Variants in GRM1 observed in about 807,000 individuals in gnomAD.
GRM1 encodes metabotropic glutamate receptor 1.
In GRM1, 33 loss-of-function variants were observed where a neutral mutation model predicts 90.9. The ratio of observed to expected loss-of-function variants is 0.36; its 90% CI spans 0.28 to 0.49. The LOEUF (loss-of-function observed/expected upper bound fraction) is 0.49, where lower values mean the gene tolerates loss of function less well. Ranked by LOEUF, GRM1 falls within the 20% of genes least tolerant of loss-of-function variation. The probability of loss-of-function intolerance (pLI) is 0.99; values close to 1 mark genes in which losing one functional copy is unlikely to be tolerated. For missense variants in GRM1, 1,190 were observed against 1,534.3 expected (o/e 0.78, Z 3.75); for synonymous variants, 700 against 613.2 (o/e 1.14, Z -2.09).
intron 1 of GRM1, among the ~76,000 whole-genome samples, chr6:146,115,027 T>C (rs1330399172): frequency 6.6e-6 from 1 of 152,070 alleles, no homozygotes; most frequent in East Asian, 1.9e-4. Flanking sequence ...GATACTAAGA[T>C]TATAGTTCAG....
chr6:146,244,333 T>C (rs1780977552), intron 2 of GRM1, among the ~76,000 whole-genome samples: 1 of 152,192 alleles, frequency 6.6e-6, no homozygotes, highest in South Asian at 2.1e-4. Context: ...ATTATAAAAG[T>C]ATTAATTTGG....
At chr6:146,377,281 C>T (rs559429259) in intron 5 of GRM1, among the ~76,000 whole-genome samples, 70 of 152,108 alleles carry the variant, frequency 4.6e-4, no homozygotes, top group African/African-American at 1.5e-3. Flanking sequence ...CAGAAGAAGA[C>T]AGGAAAGTGT....
At position 146,411,664 on chromosome 6, in the gene GRM1, G is replaced by A. The variant is rs139346537; in HGVS notation, c.2660+11965G>A. 7.1e-3 allele frequency among the ~76,000 whole-genome samples: 1,076 copies of A among 152,294 alleles called. 13 individuals carry two copies. Among genetic ancestry groups the A allele is most frequent in the African/African-American group, 0.025 (1,029 of 41,556 alleles). On this transcript the variant is annotated intron_variant, in intron 7 of 7. Coordinates refer to ENST00000282753, the MANE Select transcript of GRM1 (RefSeq NM_001278064.2). ...AGGGTCCAGGGAAGAGATTACAGTG[G>A]CCTGACCTGTGGCTTTGACAGGTGG...
chr6:146,270,077 T>C (rs1782057868), intron 2 of GRM1, among the ~76,000 whole-genome samples: 1 of 152,144 alleles, frequency 6.6e-6, no homozygotes, highest in Admixed American at 6.5e-5. Context: ...ATTAAGGTTT[T>C]ATGTTTTTGT....
intron 6 of GRM1, among the ~76,000 whole-genome samples, chr6:146,391,672 A>C (rs1405299023): frequency 1.3e-5 from 2 of 152,072 alleles, no homozygotes; most frequent in African/African-American, 4.8e-5. Context: ...ATGTTTCTCA[A>C]ATTTAGGATA....
chr6:146,134,388 T>C (rs965517152), intron 1 of GRM1, among the ~76,000 whole-genome samples: 9 of 152,204 alleles, frequency 5.9e-5, no homozygotes, highest in Non-Finnish European at 1.3e-4. Context: ...TCTCATATGG[T>C]ACTGTATTAG....
intron 7 of GRM1, among the ~76,000 whole-genome samples, chr6:146,413,995 AT>A (rs1777666239): frequency 6.6e-6 from 1 of 152,214 alleles, no homozygotes; most frequent in South Asian, 2.1e-4. Flanking sequence ...ACTATGACAA[AT>A]AAAGGTACAA....
chr6:146,061,003 A>G (rs905800721), intron 1 of GRM1, among the ~76,000 whole-genome samples: 3 of 152,072 alleles, frequency 2.0e-5, no homozygotes, highest in African/African-American at 7.2e-5. Flanking sequence ...ATGATCAGTG[A>G]TGTTGACCAA....
intron 3 of GRM1, among the ~76,000 whole-genome samples, chr6:146,350,047 C>T (rs76281535): frequency 2.6e-5 from 4 of 152,146 alleles, no homozygotes; most frequent in Non-Finnish European, 5.9e-5. Flanking sequence ...TCTAAAAAAA[C>T]GACCCAAGTC....
chr6:146,417,489 CT>C (rs1777831207), intron 7 of GRM1, among the ~76,000 whole-genome samples: 1 of 152,236 alleles, frequency 6.6e-6, no homozygotes, highest in Middle Eastern at 3.4e-3. Flanking sequence ...TTCTTTAGGA[CT>C]ATGGTGATTA....
intron 2 of GRM1, among the ~76,000 whole-genome samples, chr6:146,256,801 C>T (rs1781496449): frequency 6.6e-6 from 1 of 152,136 alleles, no homozygotes; most frequent in Non-Finnish European, 1.5e-5. Context: ...TGCTTGTCAT[C>T]TTCCTAAAGT....
intron 5 of GRM1, among the ~76,000 whole-genome samples, chr6:146,373,661 G>T (rs75822150): frequency 6.6e-6 from 1 of 151,996 alleles, no homozygotes; most frequent in African/African-American, 2.4e-5. Context: ...TTTTCACATT[G>T]TTCATTGTTG....
intron 2 of GRM1, among the ~76,000 whole-genome samples, chr6:146,206,069 G>A (rs977303136): frequency 3.9e-5 from 6 of 152,314 alleles, no homozygotes; most frequent in Admixed American, 3.9e-4. Context: ...GAGAAGTGGG[G>A]ACATCTGCCA....
intron 5 of GRM1, among the ~76,000 whole-genome samples, chr6:146,360,060 C>T (rs1775406645): frequency 6.6e-6 from 1 of 152,100 alleles, no homozygotes; most frequent in African/African-American, 2.4e-5. Flanking sequence ...CTACCAGGCC[C>T]AGGATGCATA....
chr6:146,056,901 C>G (rs1174688163), intron 1 of GRM1, among the ~76,000 whole-genome samples: 1 of 152,140 alleles, frequency 6.6e-6, no homozygotes, highest in East Asian at 1.9e-4. Context: ...ACTTGGCTAT[C>G]TCCTGCTGTA....
intron 2 of GRM1, among the ~76,000 whole-genome samples, chr6:146,269,748 G>T (rs1467546107): frequency 6.6e-6 from 1 of 152,148 alleles, no homozygotes; most frequent in Non-Finnish European, 1.5e-5. Flanking sequence ...GATGCCTGGT[G>T]ATCTGAGGTG....
intron 2 of GRM1, among the ~76,000 whole-genome samples, chr6:146,205,402 A>G (rs1253553470): frequency 2.6e-5 from 4 of 152,180 alleles, no homozygotes; most frequent in African/African-American, 9.7e-5. Flanking sequence ...TTAACTCAGC[A>G]TGTATGTTTC....
intron 1 of GRM1, among the ~76,000 whole-genome samples, chr6:146,115,713 C>T (rs1433881116): frequency 6.6e-6 from 1 of 152,010 alleles, no homozygotes; most frequent in Admixed American, 6.6e-5. Context: ...GGAGATTTTT[C>T]ATAGTATTTT....
At chr6:146,230,480 T>C (rs1210751519) in intron 2 of GRM1, among the ~76,000 whole-genome samples, 3 of 152,002 alleles carry the variant, frequency 2.0e-5, no homozygotes, top group Non-Finnish European at 4.4e-5. Flanking sequence ...CACAAACCTA[T>C]TAGAATGGCC....
Sources: allele counts gnomAD v4.1 joint callset (sites outside exome capture counted in the v4.1 genomes callset), GRCh38; gene constraint gnomAD v4.1.1; transcripts MANE v1.5; gene names NCBI Gene and HGNC (gene_info 2026-07-23, HGNC 2026-07-21).